The following ASIC2 variants were observed in gnomAD, a reference collection of about 807,000 sequenced individuals.
The protein encoded by ASIC2 is acid-sensing ion channel 2.
ASIC2 carries 25 observed loss-of-function variants against 57.3 expected under a neutral mutation model. That is an observed-to-expected ratio of 0.44 (90% CI 0.32 to 0.61). The LOEUF is 0.61. Among genes scored for constraint, ASIC2 ranks in the 20% least tolerant of loss-of-function variants. The pLI is 0.06. For missense variants in ASIC2, 641 were observed against 738.1 expected (o/e 0.87, Z 1.52); for synonymous variants, 319 against 307.5 (o/e 1.04, Z -0.39).
chr17:34,098,676 C>G (rs1185413148), intron 1 of ASIC2, among the ~76,000 whole-genome samples: 1 of 152,072 alleles, frequency 6.6e-6, no homozygotes, highest in Admixed American at 6.6e-5. Flanking sequence ...GGAGGCTTTC[C>G]GTAACTGTGT....
At chr17:34,114,736 A>G (rs1421894259) in intron 1 of ASIC2, among the ~76,000 whole-genome samples, 2 of 152,146 alleles carry the variant, frequency 1.3e-5, no homozygotes, top group Non-Finnish European at 2.9e-5. Context: ...CTATGATGCA[A>G]AGGGTGGAGG....
chr17:33,844,662 G>C (rs541919660), intron 1 of ASIC2, among the ~76,000 whole-genome samples: 1 of 152,186 alleles, frequency 6.6e-6, no homozygotes, highest in Non-Finnish European at 1.5e-5. Context: ...GTGGTGACTT[G>C]CATTTCTGTA....
In ASIC2 at chr17:34,096,856, C is replaced by CAAAAAAAAAA. The variant is rs71286247; in HGVS notation, c.555+59112_555+59121dup. Among the ~76,000 whole-genome samples the CAAAAAAAAAA allele has an allele frequency of 1.0e-4, 3 of 30,114 alleles. 1 individual carries two copies. Among genetic ancestry groups the CAAAAAAAAAA allele is most frequent in the African/African-American group, 3.1e-4 (2 of 6,480 alleles). The allele number at this position is 30,114 out of a possible 152,430, so 19.8% of individuals were successfully genotyped here. On this transcript the variant is annotated intron_variant, in intron 1 of 9. Coordinates refer to the ASIC2 transcript ENST00000359872. ...TGGGTGACAGGGTGAGACTCCATCTCAAAAAAAAAAAAAAAAAAAAAAAAA... is the reference window on the plus strand; with the variant it reads ...TGGGTGACAGGGTGAGACTCCATCTCAAAAAAAAAAAAAAAAAAAAAAAAAAAAAAAAAAA...
intron 1 of ASIC2, among the ~76,000 whole-genome samples, chr17:33,619,421 G>T (rs531899540): frequency 9.2e-5 from 14 of 152,066 alleles, no homozygotes; most frequent in African/African-American, 3.4e-4. Context: ...GGGAAAAAAG[G>T]TGCAAGTGCA....
At chr17:33,770,118 A>G (rs1911050526) in intron 1 of ASIC2, among the ~76,000 whole-genome samples, 1 of 152,192 alleles carries the variant, frequency 6.6e-6, no homozygotes, top group Admixed American at 6.5e-5. Flanking sequence ...TTCTCCATGA[A>G]TCCAGCTGCT....
At chr17:33,756,847 T>A (rs1321144413) in intron 1 of ASIC2, among the ~76,000 whole-genome samples, 1 of 152,216 alleles carries the variant, frequency 6.6e-6, no homozygotes, top group African/African-American at 2.4e-5. Context: ...AGGAACTGAG[T>A]GCCTTTAACA....
intron 1 of ASIC2, chr17:33,688,689 C>T (rs1214258198): frequency 1.3e-5 from 2 of 152,196 alleles, no homozygotes; most frequent in African/African-American, 4.8e-5. Flanking sequence ...GCAAAAGCTG[C>T]TCTGTATGAA....
At chr17:33,403,741 C>A (rs930014666) in intron 1 of ASIC2, among the ~76,000 whole-genome samples, 1 of 152,190 alleles carries the variant, frequency 6.6e-6, no homozygotes, top group Non-Finnish European at 1.5e-5. Context: ...TTTGACATTA[C>A]CCTTTTACTT....
chr17:33,866,545 G>C (rs947173324), intron 1 of ASIC2, among the ~76,000 whole-genome samples: 2 of 152,138 alleles, frequency 1.3e-5, no homozygotes, highest in African/African-American at 4.8e-5. Context: ...AATTCTGAGA[G>C]TCAAAGAGTA....
At chr17:33,993,953 C>T (rs1019521603) in intron 1 of ASIC2, among the ~76,000 whole-genome samples, 3 of 152,146 alleles carry the variant, frequency 2.0e-5, no homozygotes, top group African/African-American at 7.2e-5. Flanking sequence ...TATATACAAC[C>T]TGTCTTTCCA....
At chr17:33,875,082 G>A (rs1219494159) in intron 1 of ASIC2, among the ~76,000 whole-genome samples, 1 of 152,210 alleles carries the variant, frequency 6.6e-6, no homozygotes, top group East Asian at 1.9e-4. Flanking sequence ...GAGCCAAAGG[G>A]AGTCCAGGAA....
At chr17:33,240,471 G>C (rs1177352712) in intron 1 of ASIC2, among the ~76,000 whole-genome samples, 1 of 152,214 alleles carries the variant, frequency 6.6e-6, no homozygotes, top group Non-Finnish European at 1.5e-5. Context: ...GCCTGCCAGA[G>C]AGATGGGAGA....
intron 1 of ASIC2, among the ~76,000 whole-genome samples, chr17:34,010,703 C>CCACACAGACA (rs1177182367): frequency 6.6e-6 from 1 of 151,552 alleles, no homozygotes; most frequent in Non-Finnish European, 1.5e-5. Flanking sequence ...ACAGACATAA[C>CCACACAGACA]CACACAGACA....
chr17:33,356,142 T>C (rs1422250826), intron 1 of ASIC2, among the ~76,000 whole-genome samples: 1 of 152,054 alleles, frequency 6.6e-6, no homozygotes, highest in African/African-American at 2.4e-5. Flanking sequence ...CCAAGGCAGG[T>C]GTGAAGGATA....
chr17:33,100,972 G>A (rs1171140722), intron 2 of ASIC2, among the ~76,000 whole-genome samples: 1 of 152,236 alleles, frequency 6.6e-6, no homozygotes, highest in African/African-American at 2.4e-5. Flanking sequence ...CCTGCCTCCA[G>A]TGGTGTTTCT....
At chr17:33,683,301 C>T (rs1294462123) in intron 1 of ASIC2, among the ~76,000 whole-genome samples, 10 of 152,196 alleles carry the variant, frequency 6.6e-5, no homozygotes, top group East Asian at 1.9e-4. Flanking sequence ...CTCCTGACCT[C>T]GTGATCCACC....
At chr17:33,782,886 G>A (rs982590908) in intron 1 of ASIC2, among the ~76,000 whole-genome samples, 12 of 152,008 alleles carry the variant, frequency 7.9e-5, no homozygotes, top group Admixed American at 2.6e-4. Context: ...CCTCCTCTCC[G>A]TCCCACTTGT....
At chr17:33,166,291 C>A (rs1687277427) in intron 1 of ASIC2, among the ~76,000 whole-genome samples, 2 of 152,090 alleles carry the variant, frequency 1.3e-5, no homozygotes, top group Non-Finnish European at 2.9e-5. Flanking sequence ...ATTGCTTGAC[C>A]CATAATAGGT....
chr17:33,156,755 C>CA (rs971688123), intron 1 of ASIC2, among the ~76,000 whole-genome samples: 4 of 151,258 alleles, frequency 2.6e-5, no homozygotes, highest in African/African-American at 7.3e-5. Context: ...GACTCCATTT[C>CA]AAAAAAAACA....
Sources: allele counts gnomAD v4.1 joint callset (sites outside exome capture counted in the v4.1 genomes callset), GRCh38; gene constraint gnomAD v4.1.1; transcripts MANE v1.5; gene names NCBI Gene and HGNC (gene_info 2026-07-23, HGNC 2026-07-21).